Variants in CHRNA3 observed in about 807,000 individuals in gnomAD.
CHRNA3 encodes the protein neuronal acetylcholine receptor subunit alpha-3.
Under a neutral mutation model 41.9 loss-of-function variants are expected in CHRNA3, and 34 were observed. The ratio of observed to expected loss-of-function variants is 0.81; its 90% CI spans 0.62 to 1.08. The LOEUF (loss-of-function observed/expected upper bound fraction) is 1.08, where lower values mean the gene tolerates loss of function less well. Among genes scored for constraint, CHRNA3 ranks in the 50% least tolerant of loss-of-function variants. CHRNA3 has a pLI of 0.00. For synonymous variants in CHRNA3, 281 were observed against 265.2 expected, an observed-to-expected ratio of 1.06 and a Z score of -0.58; for missense variants, 542 against 638.3, an observed-to-expected ratio of 0.85 and a Z score of 1.63.
At position 78,595,984 on chromosome 15, in the gene CHRNA3, G is replaced by C; in HGVS notation, c.*620C>G. On this transcript the variant is annotated 3_prime_UTR_variant, in exon 6 of 6. Transcript: ENST00000326828. ...CCTCCAAAACTGAGAAGTTTCTGTT[G>C]TTTATAATCCACCCAGTTTATGGTG... 1 of 901,250 alleles carries C rather than the reference G, an allele frequency of 1.1e-6. No individual in the cohort carries two copies. Among genetic ancestry groups the C allele is most frequent in the Non-Finnish European group, 1.3e-6 (1 of 753,918 alleles). The allele number at this position is 901,250 out of a possible 1,614,324, so 55.8% of individuals were successfully genotyped here.
Position 78,601,666 on chromosome 15 carries a change from G to A in CHRNA3, c.976C>T (p.Leu326Phe), listed in dbSNP as rs755647517. Reference protein sequence around the residue: ...TLSIVITVFVLNVHYRTPTTH... With the variant: ...TLSIVITVFVFNVHYRTPTTH... ...GTCGGGGTTCTGTAGTGCACGTTGA[G>A]CACGAAGACGGTGATGACGATGGAC... Residue 326 changes from leucine to phenylalanine, a missense_variant, in exon 5 of 6, where the codon CTC becomes TTC. Leu to Phe is a conservative substitution (Grantham distance 22). Transcript: ENST00000326828. 4 of 1,614,192 alleles carry A rather than the reference G, an allele frequency of 2.5e-6. No homozygotes were observed. The highest frequency in any genetic ancestry group is 3.4e-6 in the Non-Finnish European group (4 of 1,180,042).
At position 78,601,778 on chromosome 15, in the gene CHRNA3, C is replaced by T. The variant is rs779471990; in HGVS notation, c.864G>A (p.Leu288=). 1 of 1,614,062 alleles carries T rather than the reference C, an allele frequency of 6.2e-7. No individual in the cohort carries two copies. Among genetic ancestry groups the T allele is most frequent in the Non-Finnish European group, 8.5e-7 (1 of 1,180,018 alleles). Residue 288 remains leucine (L), a synonymous_variant, in exon 5 of 6, where the codon CTG becomes CTA. Transcript: ENST00000326828. ...SVLLSLTVFL[L]VITETIPSTS... is the part of the protein sequence containing the mutation. Reference sequence around the variant, plus strand: ...TGGAAGGGATGGTCTCAGTGATCACCAGGAGAAACACCGTCAGGGAGAGGA... The same window carrying T: ...TGGAAGGGATGGTCTCAGTGATCACTAGGAGAAACACCGTCAGGGAGAGGA...
chr15:78,600,404 G>A (rs776508075), intron 5 of CHRNA3, among the ~76,000 whole-genome samples: 18 of 152,142 alleles, frequency 1.2e-4, no homozygotes, highest in Admixed American at 2.0e-4. Flanking sequence ...CAGGGAGGGA[G>A]ACACTGACTG....
At chr15:78,594,902 G>A (rs1419837988), downstream of CHRNA3, 2 of 152,190 alleles carry the variant, frequency 1.3e-5, no homozygotes, top group Non-Finnish European at 2.9e-5. Context: ...ACAGTATAAT[G>A]TATCACAGTT....
intron 4 of CHRNA3, among the ~76,000 whole-genome samples, chr15:78,612,995 A>T (rs1434822247): frequency 6.6e-6 from 1 of 152,218 alleles, no homozygotes; most frequent in Non-Finnish European, 1.5e-5. Context: ...GCCATCAGAG[A>T]AATGCAAATC....
intron 4 of CHRNA3, among the ~76,000 whole-genome samples, chr15:78,612,213 CTACTT>C (rs1379619866): frequency 1.3e-5 from 2 of 151,864 alleles, no homozygotes; most frequent in Non-Finnish European, 2.9e-5. Flanking sequence ...TTGGAAAAAA[CTACTT>C]TAAAGTTCAT....
intron 4 of CHRNA3, among the ~76,000 whole-genome samples, chr15:78,604,151 G>C (rs2053248022): frequency 6.6e-6 from 1 of 152,156 alleles, no homozygotes; most frequent in African/African-American, 2.4e-5. Flanking sequence ...AATCTGGGGG[G>C]AATAGTGCCA....
chr15:78,601,150 A>G lies in CHRNA3; in HGVS notation c.1389+103T>C. 4.3e-6 allele frequency: 5 copies of G among 1,157,244 alleles called. No individual in the cohort carries two copies. The South Asian group carries it at 7.3e-5, about 17-fold the overall frequency. 71.7% of individuals were successfully genotyped at this position (1,157,244 alleles called of 1,614,324 possible). A position where few individuals can be genotyped will look rare whatever the true frequency, so the allele number is the denominator to read the frequency against. On this transcript the variant is annotated intron_variant, in intron 5 of 5. Coordinates refer to ENST00000326828, the MANE Select transcript of CHRNA3 (RefSeq NM_000743.5). ...TCTTAACACAGGCCACTGACTCCAGAGGGCAATTTCTTAACCCCCTACCCT... is the reference window on the plus strand; with the variant it reads ...TCTTAACACAGGCCACTGACTCCAGGGGGCAATTTCTTAACCCCCTACCCT...
At chr15:78,604,478 G>A (rs2053252910) in intron 4 of CHRNA3, among the ~76,000 whole-genome samples, 1 of 152,200 alleles carries the variant, frequency 6.6e-6, no homozygotes, top group South Asian at 2.1e-4. Flanking sequence ...CTAGAGGTTA[G>A]CTGAGCTTGG....
chr15:78,618,833 G>C lies in CHRNA3; in HGVS notation c.165C>G (p.Asn55Lys), dbSNP rs760225919. 6.2e-7 allele frequency: 1 copy of C among 1,614,006 alleles called. No homozygotes were observed. Among genetic ancestry groups the C allele is most frequent in the East Asian group, 2.2e-5 (1 of 44,888 alleles). ...AATGGATGATGACTGGGTCAGACAC[G>C]TTGGCTACAGGCCGGATGATCTCAT... ...DYNEIIRPVA[N>K]VSDPVIIHFE... is the part of the protein sequence containing the mutation. Residue 55 changes from asparagine (N) to lysine (K), a missense_variant, in exon 2 of 6, where the codon AAC (asparagine) becomes AAG (lysine). Coordinates refer to ENST00000326828, the MANE Select transcript of CHRNA3 (RefSeq NM_000743.5).
chr15:78,601,708 T>C lies in CHRNA3; in HGVS notation c.934A>G (p.Met312Val), dbSNP rs201140675. The change falls in exon 5 of 6, where the codon ATG (methionine) becomes GTG (valine). Residue 312 changes from methionine (M) to valine (V), a missense_variant. Transcript: ENST00000326828. Reference sequence around the variant, plus strand: ...ACGATGGACAAGGTTACAAAAATCATGGTGAACAGGAGGTACTCTCCAATC... The same window carrying C: ...ACGATGGACAAGGTTACAAAAATCACGGTGAACAGGAGGTACTCTCCAATC... ...PLIGEYLLFT[M>V]IFVTLSIVIT... 5.6e-6 allele frequency: 9 copies of C among 1,614,086 alleles called. No individual in the cohort carries two copies. The highest frequency in any genetic ancestry group is 7.6e-6 in the Non-Finnish European group (9 of 1,180,008).
At position 78,596,215 on chromosome 15, in the gene CHRNA3, A is replaced by C; in HGVS notation, c.*389T>G. The C allele has an allele frequency of 3.0e-6, 3 of 987,414 alleles. No individual in the cohort carries two copies. Among genetic ancestry groups the C allele is most frequent in the Non-Finnish European group, 3.6e-6 (3 of 831,298 alleles). The allele number at this position is 987,414 out of a possible 1,614,324, so 61.2% of individuals were successfully genotyped here. A position where few individuals can be genotyped will look rare whatever the true frequency, so the allele number is the denominator to read the frequency against. On this transcript the variant is annotated 3_prime_UTR_variant, in exon 6 of 6. Transcript: ENST00000326828. ...AAACCTTCAAAGAGATTATGGGCTA[A>C]ATAAGAAAAATTACTGGGAGATCTG...
chr15:78,617,777 G>A lies in CHRNA3; in HGVS notation c.268-644C>T, dbSNP rs187458473. ...GAAGGCTGTGTGTGCTGAGTGCTCA[G>A]CTGGCCAGGCTGGCAGAAGGGTCAC... On this transcript the variant is annotated intron_variant, in intron 3 of 5. Transcript: ENST00000326828. 4.1e-4 allele frequency among the ~76,000 whole-genome samples: 62 copies of A among 152,306 alleles called. 1 individual carries two copies. Among genetic ancestry groups the A allele is most frequent in the Admixed American group, 3.9e-3 (59 of 15,310 alleles).
intron 3 of CHRNA3, 67 bp downstream of exon 3, chr15:78,618,550 G>T: frequency 1.9e-6 from 3 of 1,583,668 alleles, no homozygotes; most frequent in South Asian, 1.1e-5. Flanking sequence ...GGCCTTTCTT[G>T]GTTCACCTAA....
At chr15:78,608,008 G>A (rs1053035072) in intron 4 of CHRNA3, among the ~76,000 whole-genome samples, 3 of 152,364 alleles carry the variant, frequency 2.0e-5, no homozygotes, top group Middle Eastern at 3.4e-3. Flanking sequence ...CAAGGCGGCA[G>A]CGATGCTGGG....
Position 78,601,370 on chromosome 15 carries a change from A to C in CHRNA3, c.1272T>G (p.Ser424Arg), listed in dbSNP as rs560775272. ...ACAGCACAGCATCAACAGATTCAGA[A>C]CTAGAGCTTCTCGTGAGGTTAGCAC... is the stretch of plus-strand genomic sequence containing the variant. ...NFSANLTRSS[S>R]SESVDAVLSL... The change falls in exon 5 of 6, where the codon AGT (serine) becomes AGG (arginine). Residue 424 changes from serine (S) to arginine (R), a missense_variant. Ser to Arg is a moderately radical substitution (Grantham distance 110). Coordinates refer to ENST00000326828, the MANE Select transcript of CHRNA3 (RefSeq NM_000743.5). 30 of 1,614,062 alleles carry C rather than the reference A, an allele frequency of 1.9e-5. No individual in the cohort carries two copies. The highest frequency in any genetic ancestry group is 2.5e-5 in the Non-Finnish European group (29 of 1,180,044).
chr15:78,596,990 A>C, intron 5 of CHRNA3, among the ~76,000 whole-genome samples: 1 of 152,192 alleles, frequency 6.6e-6, no homozygotes, highest in East Asian at 1.9e-4. Flanking sequence ...AAAATGCATA[A>C]CCTAGTTTTT....
chr15:78,599,200 ACTCCTGGG>A (rs942738839), intron 5 of CHRNA3, among the ~76,000 whole-genome samples: 1 of 151,312 alleles, frequency 6.6e-6, no homozygotes, highest in Non-Finnish European at 1.5e-5. Flanking sequence ...ATGGTTTTGA[ACTCCTGGG>A]CTCAAGTGAT....
In CHRNA3 at chr15:78,595,673, C is replaced by G. The variant is rs1465932527; in HGVS notation, c.*931G>C. The G allele has an allele frequency of 1.3e-5, 2 of 152,628 alleles. No homozygotes were observed. Among genetic ancestry groups the G allele is most frequent in the African/African-American group, 4.8e-5 (2 of 41,554 alleles). 9.5% of individuals were successfully genotyped at this position (152,628 alleles called of 1,614,324 possible). A position where few individuals can be genotyped will look rare whatever the true frequency, so the allele number is the denominator to read the frequency against. ...GTCCATAGTGCTAAGGCTGAGAAAC[C>G]CTGTTCTAAAGGTTCATGCTGTGGT... On this transcript the variant is annotated 3_prime_UTR_variant, in exon 6 of 6. Transcript: ENST00000326828.
Sources: allele counts gnomAD v4.1 joint callset (sites outside exome capture counted in the v4.1 genomes callset), GRCh38; gene constraint gnomAD v4.1.1; transcripts MANE v1.5; gene names NCBI Gene and HGNC (gene_info 2026-07-23, HGNC 2026-07-21).